Variants in DCHS2 observed in about 807,000 individuals in gnomAD.
The protein encoded by DCHS2 is protocadherin-23.
A neutral mutation model predicts 182.4 loss-of-function variants in DCHS2; 142 were observed. The observed-to-expected ratio is 0.78, with a 90% CI of 0.68 to 0.89. The LOEUF is 0.89. DCHS2 is among the 40% of genes least tolerant of loss of function. The probability of loss-of-function intolerance (pLI) is 0.00; values close to 1 mark genes in which losing one functional copy is unlikely to be tolerated. For missense variants in DCHS2, 4,319 were observed against 4,198.6 expected (o/e 1.03, Z -0.79); for synonymous variants, 1,740 against 1,663.3 (o/e 1.05, Z -1.12).
At chr4:154,239,115 G>T in intron 19 of DCHS2, 55 bp downstream of exon 19, 2 of 1,570,942 alleles carry the variant, frequency 1.3e-6, no homozygotes, top group Admixed American at 1.9e-5. Context: ...GTTATTTCAG[G>T]TTTCTACTTT....
chr4:154,283,554 G>A (rs1237936711), intron 13 of DCHS2, among the ~76,000 whole-genome samples: 1 of 151,900 alleles, frequency 6.6e-6, no homozygotes, highest in East Asian at 1.9e-4. Flanking sequence ...ATTTTTAATA[G>A]GATTATAGAT....
Position 154,490,479 on chromosome 4 carries a change from G to A in DCHS2, c.877C>T (p.Pro293Ser), listed in dbSNP as rs1193501167. 5.2e-6 allele frequency: 8 copies of A among 1,536,716 alleles called. No homozygotes were observed. The highest frequency in any genetic ancestry group is 4.9e-5 in the East Asian group (2 of 40,892). Residue 293 changes from proline (P) to serine (S), a missense_variant, in exon 1 of 20, where the codon CCG becomes TCG. Pro to Ser is a moderately conservative substitution (Grantham distance 74). Coordinates refer to ENST00000357232, the MANE Select transcript of DCHS2 (RefSeq NM_001358235.2). ...ELRVLDENDN[P>S]PVFEQDEYRA... ...TACTCGTCCTGCTCAAAGACCGGCG[G>A]GTTGTCGTTCTCATCCAGCACGCGC...
chr4:154,389,535 T>TAA lies in DCHS2; in HGVS notation c.2053-12093_2053-12092dup, dbSNP rs1554013201. On this transcript the variant is annotated intron_variant, in intron 1 of 19. Coordinates refer to ENST00000357232, the MANE Select transcript of DCHS2 (RefSeq NM_001358235.2). ...CAAAGGTTATATATATATATATATA[T>TAA]AACCTTTTTTTAAAGGACCTAAACT... is the stretch of plus-strand genomic sequence containing the variant. Among the ~76,000 whole-genome samples, 13 of 146,088 alleles carry TAA rather than the reference T, an allele frequency of 8.9e-5. 1 individual carries two copies. In the East Asian group the frequency reaches 1.6e-3, roughly 18 times the overall value.
rs10017772 is a variant in DCHS2 at position 154,366,383 on chromosome 4, T to C, written c.2303A>G (p.His768Arg). 0.47 allele frequency: 752,478 copies of C among 1,613,054 alleles called. 176,807 individuals are homozygous for C. Among genetic ancestry groups the C allele is most frequent in the South Asian group, 0.57 (51,472 of 91,024 alleles). Residue 768 changes from histidine (H) to arginine (R), a missense_variant, in exon 3 of 20, where the codon CAT (histidine) becomes CGT (arginine). Physicochemically the swap from His to Arg is conservative, Grantham distance 29. Coordinates refer to ENST00000357232, the MANE Select transcript of DCHS2 (RefSeq NM_001358235.2). ...ATAGGTTGATGGGTTAAACACAGGA[T>C]GATTATCATTCACGTCCTCCAGGTC... ...RVDLEDVNDNHPVFNPSTYVT... is the reference protein window; with the variant it reads ...RVDLEDVNDNRPVFNPSTYVT...
chr4:154,386,568 G>T (rs972837393), intron 1 of DCHS2, among the ~76,000 whole-genome samples: 1 of 151,228 alleles, frequency 6.6e-6, no homozygotes, highest in African/African-American at 2.4e-5. Flanking sequence ...TTATTTATTT[G>T]TATATTGATA....
intron 7 of DCHS2, among the ~76,000 whole-genome samples, chr4:154,325,578 T>A (rs1193245751): frequency 6.6e-6 from 1 of 151,580 alleles, no homozygotes; most frequent in Non-Finnish European, 1.5e-5. Flanking sequence ...ATTTGAGAAG[T>A]AACAAAAGGG....
chr4:154,284,980 T>C (rs1473714391), intron 13 of DCHS2, among the ~76,000 whole-genome samples: 1 of 152,012 alleles, frequency 6.6e-6, no homozygotes, highest in African/African-American at 2.4e-5. Flanking sequence ...TTCCTTCCAC[T>C]TGAGCAGAGG....
At chr4:154,265,598 G>A (rs1345094440) in intron 14 of DCHS2, among the ~76,000 whole-genome samples, 3 of 152,186 alleles carry the variant, frequency 2.0e-5, no homozygotes, top group Non-Finnish European at 4.4e-5. Context: ...GGGCAACAAA[G>A]TGAGAACCTG....
At chr4:154,342,713 C>A (rs72723348) in intron 3 of DCHS2, among the ~76,000 whole-genome samples, 1 of 152,118 alleles carries the variant, frequency 6.6e-6, no homozygotes, top group Non-Finnish European at 1.5e-5. Flanking sequence ...ATGTCTCTTG[C>A]TATTTTTACC....
intron 1 of DCHS2, among the ~76,000 whole-genome samples, chr4:154,406,860 C>T (rs1019797929): frequency 1.4e-4 from 21 of 152,212 alleles, no homozygotes; most frequent in Middle Eastern, 3.2e-3. Context: ...GGGACTGAGA[C>T]ATAAGTGACT....
chr4:154,479,344 T>C (rs1735822750), intron 1 of DCHS2, among the ~76,000 whole-genome samples: 1 of 151,998 alleles, frequency 6.6e-6, no homozygotes, highest in Non-Finnish European at 1.5e-5. Context: ...AACATATGTA[T>C]ATTTGGAATC....
Position 154,381,253 on chromosome 4 carries a change from A to G in DCHS2, c.2053-3809T>C, listed in dbSNP as rs756087335. 2.0e-5 allele frequency among the ~76,000 whole-genome samples: 3 copies of G among 152,086 alleles called. No homozygotes were observed. In the East Asian group the frequency reaches 5.8e-4, roughly 29 times the overall value. On this transcript the variant is annotated intron_variant, in intron 1 of 19. Transcript: ENST00000357232. The stretch of plus-strand genomic sequence containing the variant: ...CACTGTAAACTTCTTCCAACTCAGA[A>G]TTGTTCTCCCCAAGTCTATCTTTCA...
chr4:154,486,125 C>T (rs541507733), intron 1 of DCHS2, among the ~76,000 whole-genome samples: 5 of 152,154 alleles, frequency 3.3e-5, no homozygotes, highest in African/African-American at 4.8e-5. Context: ...GAAGTCCAGA[C>T]GAGTGCCTAC....
chr4:154,316,738 C>G (rs76030199), intron 9 of DCHS2, among the ~76,000 whole-genome samples: 1 of 152,080 alleles, frequency 6.6e-6, no homozygotes, highest in Non-Finnish European at 1.5e-5. Context: ...GAGCTGAGAT[C>G]GTGCCACTGC....
At chr4:154,417,251 G>GAGAGAGAGA (rs1262645881) in intron 1 of DCHS2, among the ~76,000 whole-genome samples, 3 of 144,534 alleles carry the variant, frequency 2.1e-5, no homozygotes, top group African/African-American at 5.3e-5. Context: ...GAGAGAGAGA[G>GAGAGAGAGA]ACCAGTCAGG....
intron 1 of DCHS2, among the ~76,000 whole-genome samples, chr4:154,478,290 G>C (rs10517594): frequency 0.17 from 25,325 of 152,166 alleles, 2,559 homozygotes; most frequent in Admixed American, 0.28. Flanking sequence ...CAAGAATACA[G>C]CGGGAGTTCT....
At chr4:154,299,239 C>T (rs1382948550) in intron 12 of DCHS2, among the ~76,000 whole-genome samples, 1 of 152,162 alleles carries the variant, frequency 6.6e-6, no homozygotes, top group East Asian at 1.9e-4. Flanking sequence ...ATGTCCACAG[C>T]ATTTTGTACA....
intron 1 of DCHS2, among the ~76,000 whole-genome samples, chr4:154,457,384 A>G (rs147119911): frequency 0.013 from 1,909 of 152,266 alleles, 21 homozygotes; most frequent in Non-Finnish European, 0.019. Context: ...CTTTTATCCT[A>G]TTAACATGAC....
chr4:154,281,649 T>G (rs555949148), intron 13 of DCHS2, among the ~76,000 whole-genome samples: 11 of 152,158 alleles, frequency 7.2e-5, no homozygotes, highest in Admixed American at 2.0e-4. Context: ...AAATCTTCAA[T>G]GTCATTTTTT....
Sources: gnomAD v4.1 joint callset for allele counts (sites outside exome capture counted in the v4.1 genomes callset) on GRCh38, gnomAD v4.1.1 for gene constraint, MANE v1.5 for transcripts, NCBI Gene and HGNC (gene_info 2026-07-23, HGNC 2026-07-21) for gene names.